Variants in ABL1 observed in about 807,000 individuals in gnomAD.
The protein encoded by ABL1 is ABL proto-oncogene 1, non-receptor tyrosine kinase, also known as tyrosine-protein kinase ABL1.
ABL1 carries 11 observed loss-of-function variants against 94.7 expected under a neutral mutation model. The observed-to-expected ratio is 0.12, with a 90% confidence interval of 0.07 to 0.19. The LOEUF is 0.19. ABL1 is among the 10% of genes least tolerant of loss of function. The pLI, the probability that ABL1 is intolerant of heterozygous loss-of-function variation, is 1.00. For missense variants in ABL1, 1,082 were observed against 1,489.4 expected (o/e 0.73, Z 4.50); for synonymous variants, 656 against 622.4 (o/e 1.05, Z -0.80).
Position 130,855,000 on chromosome 9 carries a change from G to T in ABL1, c.453G>T (p.Val151=), listed in dbSNP as rs2132958309. The T allele has an allele frequency of 6.2e-7, 1 of 1,614,222 alleles. No individual in the cohort carries two copies. ...LSSGINGSFL[V]RESESSPGQR... is the part of the protein sequence containing the mutation. The stretch of plus-strand genomic sequence containing the variant: ...GCGGGATCAATGGCAGCTTCTTGGT[G>T]CGTGAGAGTGAGAGCAGTCCTGGCC... The change falls in exon 3 of 11, where the codon GTG becomes GTT. Residue 151 remains valine (V), a synonymous_variant. Transcript: ENST00000318560.
chr9:130,873,277 C>T lies in ABL1; in HGVS notation c.1085+240C>T, dbSNP rs34030446. On this transcript the variant is annotated intron_variant, in intron 6 of 10. Transcript: ENST00000318560. The stretch of plus-strand genomic sequence containing the variant: ...CTGGACCAGTGGAGCAGCTAATCCC[C>T]GGAGTAAGGAATATTTCATTTTTGA... 4.6e-3 allele frequency among the ~76,000 whole-genome samples: 705 copies of T among 152,284 alleles called. 2 individuals are homozygous for T. The highest frequency in any genetic ancestry group is 7.9e-3 in the Non-Finnish European group (535 of 68,028).
intron 1 of ABL1, among the ~76,000 whole-genome samples, chr9:130,818,053 A>G (rs1830312663): frequency 6.6e-6 from 1 of 152,346 alleles, no homozygotes; most frequent in East Asian, 1.9e-4. Flanking sequence ...ATTTTGCATT[A>G]CTACCAGCAG....
intron 1 of ABL1, among the ~76,000 whole-genome samples, chr9:130,781,252 T>C (rs1274424719): frequency 6.6e-6 from 1 of 152,206 alleles, no homozygotes; most frequent in Non-Finnish European, 1.5e-5. Flanking sequence ...ATGATTTTTT[T>C]CTTTGCTTTT....
intron 1 of ABL1, among the ~76,000 whole-genome samples, chr9:130,803,146 T>A (rs1302159526): frequency 6.6e-6 from 1 of 152,158 alleles, no homozygotes; most frequent in African/African-American, 2.4e-5. Flanking sequence ...TTCAAGCGAT[T>A]CTCCTGCCTC....
At position 130,800,245 on chromosome 9, in the gene ABL1, A is replaced by T. The variant is rs189346456; in HGVS notation, c.137-53819A>T. Among the ~76,000 whole-genome samples, 1,219 of 147,962 alleles carry T rather than the reference A, an allele frequency of 8.2e-3. 16 individuals carry two copies. The highest frequency in any genetic ancestry group is 0.03 in the African/African-American group (1,139 of 37,464). On this transcript the variant is annotated intron_variant, in intron 1 of 10. Transcript: ENST00000372348. ...GGTGATTATTTTTTAAAGTACTTTT[A>T]AAAAAATTAAGGTATTATTTACATA...
intron 1 of ABL1, among the ~76,000 whole-genome samples, chr9:130,754,507 CAAAA>C (rs34396002): frequency 1.0e-4 from 8 of 78,848 alleles, no homozygotes; most frequent in East Asian, 7.6e-4. Flanking sequence ...GACTCCGTCT[CAAAA>C]AAAAAAAAAA....
chr9:130,847,623 G>A (rs941460267), intron 1 of ABL1, among the ~76,000 whole-genome samples: 1 of 152,160 alleles, frequency 6.6e-6, no homozygotes, highest in Admixed American at 6.5e-5. Context: ...GGAAGGTTTT[G>A]GTGTTGGACT....
intron 4 of ABL1, among the ~76,000 whole-genome samples, chr9:130,868,242 G>A (rs1337285196): frequency 1.3e-5 from 2 of 152,154 alleles, no homozygotes; most frequent in African/African-American, 4.8e-5. Context: ...ACAGGCGTGA[G>A]CCACCACACC....
intron 1 of ABL1, among the ~76,000 whole-genome samples, chr9:130,819,477 G>C (rs1830330091): frequency 6.7e-6 from 1 of 150,244 alleles, no homozygotes; most frequent in African/African-American, 2.5e-5. Context: ...GATAAGTCAA[G>C]CATTTTTAGG....
In ABL1 at chr9:130,813,611, A is replaced by AATTAAAT. The variant is rs1268730988; in HGVS notation, c.137-40452_137-40446dup. Among the ~76,000 whole-genome samples, 54 of 151,868 alleles carry AATTAAAT rather than the reference A, an allele frequency of 3.6e-4. 2 individuals are homozygous for AATTAAAT. The highest frequency in any genetic ancestry group is 3.6e-3 in the Admixed American group (54 of 15,188). ...GAAAGTATGATCTCTGGCCACAAGG[A>AATTAAAT]ATTAAATGAGGAATTAATAACAGAA... is the stretch of plus-strand genomic sequence containing the variant. On this transcript the variant is annotated intron_variant, in intron 1 of 10. Coordinates refer to the ABL1 transcript ENST00000372348.
intron 1 of ABL1, among the ~76,000 whole-genome samples, chr9:130,735,911 A>G (rs12351091): frequency 7.3e-6 from 1 of 137,372 alleles, no homozygotes; most frequent in African/African-American, 2.8e-5. Context: ...GTGTGTGTAT[A>G]TGTGTGTGTA....
At chr9:130,796,470 A>G (rs1344057571) in intron 1 of ABL1, among the ~76,000 whole-genome samples, 2 of 152,134 alleles carry the variant, frequency 1.3e-5, no homozygotes, top group Non-Finnish European at 2.9e-5. Flanking sequence ...GAGATCAATC[A>G]CACCACTGCA....
intron 1 of ABL1, among the ~76,000 whole-genome samples, chr9:130,778,745 C>A (rs146219718): frequency 6.6e-6 from 1 of 151,658 alleles, no homozygotes; most frequent in African/African-American, 2.4e-5. Context: ...CTTTTTTACT[C>A]CTTGGCTGTA....
intron 1 of ABL1, among the ~76,000 whole-genome samples, chr9:130,841,090 A>G (rs994804240): frequency 2.0e-5 from 3 of 152,260 alleles, no homozygotes; most frequent in African/African-American, 7.2e-5. Context: ...GGCCACACGT[A>G]AAACATACTA....
In ABL1 at chr9:130,885,614, A is replaced by C. The variant is rs1056171; in HGVS notation, c.3324A>C (p.Pro1108=). 5 of 1,613,330 alleles carry C rather than the reference A, an allele frequency of 3.1e-6. No individual in the cohort carries two copies. Among genetic ancestry groups the C allele is most frequent in the Non-Finnish European group, 4.2e-6 (5 of 1,179,980 alleles). ...QICPATAGSG[P]AATQDFSKLL... is the part of the protein sequence containing the mutation. ...GCCCGGCGACAGCAGGCAGTGGTCC[A>C]GCGGCCACTCAGGACTTCAGCAAGC... The change falls in exon 11 of 11, where the codon CCA becomes CCC. Residue 1108 remains proline, a synonymous_variant. Transcript: ENST00000318560.
intron 4 of ABL1, among the ~76,000 whole-genome samples, chr9:130,864,348 G>T (rs7021981): frequency 0.11 from 16,274 of 152,110 alleles, 1,280 homozygotes; most frequent in African/African-American, 0.22. Flanking sequence ...CCAAATTGGC[G>T]ATTCTCCTTC....
intron 1 of ABL1, among the ~76,000 whole-genome samples, chr9:130,761,259 G>A (rs1440502146): frequency 1.3e-5 from 2 of 152,088 alleles, no homozygotes; most frequent in African/African-American, 4.8e-5. Context: ...GAGCCACTGC[G>A]CCCGGCCTAT....
At position 130,885,043 on chromosome 9, in the gene ABL1, C is replaced by G. The variant is rs372727500; in HGVS notation, c.2753C>G (p.Pro918Arg). The G allele has an allele frequency of 1.9e-6, 3 of 1,610,366 alleles. No individual in the cohort carries two copies. Among genetic ancestry groups the G allele is most frequent in the South Asian group, 2.2e-5 (2 of 90,900 alleles). Residue 918 changes from proline to arginine, a missense_variant, in exon 11 of 11, where the codon CCG becomes CGG. Pro to Arg is a moderately radical substitution (Grantham distance 103, BLOSUM62 -2). This residue lies in a region of ABL1 where 780 missense variants were observed against 835.8 expected (regional missense o/e 0.93). Transcript: ENST00000318560. ...GKAGGKPSQSPSQEAAGEAVL... is the reference protein window; with the variant it reads ...GKAGGKPSQSRSQEAAGEAVL... ...GCTGGAGGAAAGCCCTCGCAGAGCC[C>G]GAGCCAGGAGGCGGCCGGGGAGGCA... is the stretch of plus-strand genomic sequence containing the variant.
rs997198709 is a variant in ABL1 at position 130,886,963 on chromosome 9, G to A, written c.*1280G>A. 3 of 232,658 alleles carry A rather than the reference G, an allele frequency of 1.3e-5. No individual in the cohort carries two copies. The highest frequency in any genetic ancestry group is 6.1e-5 in the East Asian group (1 of 16,512). 14.4% of individuals were successfully genotyped at this position (232,658 alleles called of 1,614,324 possible). On this transcript the variant is annotated 3_prime_UTR_variant, in exon 11 of 11. Transcript: ENST00000318560. ...AGGGAGGGTTAGGAAAACCACAAAC[G>A]GAGCCCCTGAAAGCCTCACGTATTT... is the stretch of plus-strand genomic sequence containing the variant.
Sources: allele counts gnomAD v4.1 joint callset (sites outside exome capture counted in the v4.1 genomes callset), GRCh38; gene constraint gnomAD v4.1.1; regional missense constraint gnomAD v4.1.1; transcripts MANE v1.5; gene names NCBI Gene and HGNC (gene_info 2026-07-23, HGNC 2026-07-21).